Variants in RAPGEF6 observed in about 807,000 individuals in gnomAD.
The protein encoded by RAPGEF6 is PDZ domain containing guanine nucleotide exchange factor (GEF) 2.
RAPGEF6 carries 56 observed loss-of-function variants against 171.4 expected under a neutral mutation model. The ratio of observed to expected loss-of-function variants is 0.33; its 90% CI spans 0.26 to 0.41. The LOEUF (loss-of-function observed/expected upper bound fraction) is 0.41. RAPGEF6 is among the 10% of genes least tolerant of loss of function. RAPGEF6 has a pLI of 1.00. For missense variants in RAPGEF6, 1,674 were observed against 1,921.4 expected (o/e 0.87, Z 2.41); for synonymous variants, 692 against 650.1 (o/e 1.06, Z -0.98).
Position 131,431,340 on chromosome 5 carries a change from G to A in RAPGEF6, c.3984C>T (p.Leu1328=). 6.3e-7 allele frequency: 1 copy of A among 1,591,316 alleles called. No homozygotes were observed. The highest frequency in any genetic ancestry group is 8.6e-7 in the Non-Finnish European group (1 of 1,163,908). ...AACACTTGATTAGAGATGGCTTCAA[G>A]AGTGTCCACCTAAAATTGGAGATAA... The part of the protein sequence containing the change: ...DHSQHGPGWT[L]LKPSLIKCLA... The change falls in exon 26 of 28, where the codon CTC becomes CTT. Residue 1328 remains leucine, a synonymous_variant. Coordinates refer to ENST00000509018, the MANE Select transcript of RAPGEF6 (RefSeq NM_016340.6).
At chr5:131,436,712 A>T (rs1207581805) in intron 24 of RAPGEF6, among the ~76,000 whole-genome samples, 2 of 152,186 alleles carry the variant, frequency 1.3e-5, no homozygotes, top group African/African-American at 4.8e-5. Flanking sequence ...AGGTAACTAG[A>T]ATTATTTCTG....
chr5:131,611,648 C>G (rs933850191), intron 1 of RAPGEF6, among the ~76,000 whole-genome samples: 1 of 152,102 alleles, frequency 6.6e-6, no homozygotes, highest in East Asian at 1.9e-4. Context: ...CTCCAATCTG[C>G]GTGACAGAGT....
At chr5:131,618,249 A>C (rs1343762655) in intron 1 of RAPGEF6, among the ~76,000 whole-genome samples, 4 of 152,208 alleles carry the variant, frequency 2.6e-5, no homozygotes, top group Non-Finnish European at 2.9e-5. Flanking sequence ...CCATTACTTC[A>C]TAGTGATTTA....
intron 17 of RAPGEF6, among the ~76,000 whole-genome samples, chr5:131,470,987 A>G (rs528284653): frequency 1.3e-5 from 2 of 152,278 alleles, no homozygotes; most frequent in South Asian, 4.1e-4. Context: ...TGGTAGTGAC[A>G]TTTCTTTTAC....
Position 131,508,144 on chromosome 5 carries a change from C to G in RAPGEF6, c.869G>C (p.Arg290Thr), listed in dbSNP as rs773274418. 1.9e-6 allele frequency: 3 copies of G among 1,613,450 alleles called. No homozygotes were observed. The highest frequency in any genetic ancestry group is 2.5e-6 in the Non-Finnish European group (3 of 1,179,684). Residue 290 changes from arginine to threonine, a missense_variant, in exon 9 of 28, where the codon AGA (arginine) becomes ACA (threonine). Transcript: ENST00000509018. Reference protein sequence around the residue: ...AFANMTMSVRRELCSVMIFEV... With the variant: ...AFANMTMSVRTELCSVMIFEV... ...AAAAATCATCACTGAGCAGAGTTCT[C>G]TCCTTACAGACATGGTCATGTTTGC...
chr5:131,616,550 T>G (rs1036948286), intron 1 of RAPGEF6, among the ~76,000 whole-genome samples: 1 of 152,208 alleles, frequency 6.6e-6, no homozygotes, highest in Non-Finnish European at 1.5e-5. Flanking sequence ...CAAACTGGGA[T>G]GCTTAAAAAA....
chr5:131,567,406 A>T (rs748732444), intron 4 of RAPGEF6, among the ~76,000 whole-genome samples: 3 of 152,170 alleles, frequency 2.0e-5, no homozygotes, highest in Non-Finnish European at 2.9e-5. Context: ...ATATGATCTA[A>T]ATTTCCCTGA....
chr5:131,555,186 T>G (rs897035562), intron 5 of RAPGEF6, among the ~76,000 whole-genome samples: 1 of 152,212 alleles, frequency 6.6e-6, no homozygotes, highest in African/African-American at 2.4e-5. Context: ...AATCCCAATC[T>G]AATAAATTTC....
Position 131,577,970 on chromosome 5 carries a change from ACTAT to A in RAPGEF6, c.281+14409_281+14412del, listed in dbSNP as rs151129047. Among the ~76,000 whole-genome samples the A allele has an allele frequency of 2.7e-3, 412 of 152,150 alleles. 3 individuals are homozygous for A. The highest frequency in any genetic ancestry group is 9.7e-3 in the African/African-American group (403 of 41,528). On this transcript the variant is annotated intron_variant, in intron 4 of 27. Transcript: ENST00000509018. ...TGCACCCCAAAAACTTGTCATCCCT[ACTAT>A]CTTCTGTCTAGTTATACTCCTATTC... is the stretch of plus-strand genomic sequence containing the variant.
At position 131,464,208 on chromosome 5, in the gene RAPGEF6, G is replaced by A. The variant is rs1311982436; in HGVS notation, c.2313C>T (p.Thr771=). The A allele has an allele frequency of 6.2e-7, 1 of 1,613,576 alleles. No individual in the cohort carries two copies. The highest frequency in any genetic ancestry group is 1.1e-5 in the South Asian group (1 of 91,072). Residue 771 remains threonine, a synonymous_variant, in exon 18 of 28, where the codon ACC becomes ACT. Coordinates refer to ENST00000509018, the MANE Select transcript of RAPGEF6 (RefSeq NM_016340.6). Reference sequence around the variant, plus strand: ...CATGAAAAACTACTTCTTTAGCTGTGGTGTCTTTACTGATGATAATGTAGC... The same window carrying A: ...CATGAAAAACTACTTCTTTAGCTGTAGTGTCTTTACTGATGATAATGTAGC... ...QSCYIIISKD[T]TAKEVVFHAV... is the part of the protein sequence containing the mutation.
intron 4 of RAPGEF6, among the ~76,000 whole-genome samples, chr5:131,585,739 T>C (rs909601654): frequency 6.6e-6 from 1 of 152,018 alleles, no homozygotes; most frequent in Non-Finnish European, 1.5e-5. Context: ...GGCAGGAGAA[T>C]AGCTTGAACC....
chr5:131,432,469 T>C, intron 25 of RAPGEF6, among the ~76,000 whole-genome samples: 1 of 151,906 alleles, frequency 6.6e-6, no homozygotes, highest in South Asian at 2.1e-4. Context: ...ATACAAAAAA[T>C]TAGCCGGGCG....
rs557347891 is a variant in RAPGEF6 at position 131,443,901 on chromosome 5, C to T, written c.3422-1364G>A. ...AGCTGTAACACAAGAAAACCAGAGA[C>T]AGTGCTTTTATAAATCCATAGGTTT... On this transcript the variant is annotated intron_variant, in intron 22 of 27. Transcript: ENST00000509018. Among the ~76,000 whole-genome samples, 5 of 152,306 alleles carry T rather than the reference C, an allele frequency of 3.3e-5. No individual in the cohort carries two copies. In the South Asian group the frequency reaches 1.0e-3, roughly 32 times the overall value.
At chr5:131,523,279 C>CTTTTTTTT (rs1171953953) in intron 6 of RAPGEF6, among the ~76,000 whole-genome samples, 3 of 66,656 alleles carry the variant, frequency 4.5e-5, no homozygotes, top group East Asian at 4.5e-4. Flanking sequence ...CTGTTGTATG[C>CTTTTTTTT]TTTTTTTTTT....
chr5:131,634,452 T>C (rs964522272), intron 1 of RAPGEF6, among the ~76,000 whole-genome samples: 1 of 152,244 alleles, frequency 6.6e-6, no homozygotes, highest in African/African-American at 2.4e-5. Context: ...TACAGTGGTG[T>C]TCTTTAAACA....
At chr5:131,471,666 G>A (rs1274052487) in intron 17 of RAPGEF6, among the ~76,000 whole-genome samples, 3 of 151,974 alleles carry the variant, frequency 2.0e-5, no homozygotes, top group Admixed American at 6.6e-5. Context: ...ATTCAAAGTC[G>A]AAAGTTTTCT....
intron 4 of RAPGEF6, among the ~76,000 whole-genome samples, chr5:131,585,153 GA>G (rs1763171275): frequency 1.3e-5 from 2 of 151,900 alleles, no homozygotes; most frequent in Admixed American, 1.3e-4. Flanking sequence ...AAATGAGTGA[GA>G]AAAGGACATC....
intron 1 of RAPGEF6, among the ~76,000 whole-genome samples, chr5:131,607,005 C>T (rs937855629): frequency 6.6e-6 from 1 of 152,206 alleles, no homozygotes; most frequent in Non-Finnish European, 1.5e-5. Flanking sequence ...AAAAGTGTGG[C>T]TCACAGTGGG....
At chr5:131,536,740 C>T (rs1401492641) in intron 6 of RAPGEF6, among the ~76,000 whole-genome samples, 1 of 152,120 alleles carries the variant, frequency 6.6e-6, no homozygotes, top group Non-Finnish European at 1.5e-5. Flanking sequence ...GTCTACACTG[C>T]GTATCAAGCA....
Sources: allele counts gnomAD v4.1 joint callset (sites outside exome capture counted in the v4.1 genomes callset), GRCh38; gene constraint gnomAD v4.1.1; transcripts MANE v1.5; gene names NCBI Gene and HGNC (gene_info 2026-07-23, HGNC 2026-07-21).